ZNF365: variants seen among roughly 807,000 people sequenced by gnomAD.
ZNF365 encodes the protein zinc finger protein 365, also known as protein ZNF365.
A neutral mutation model predicts 35.0 loss-of-function variants in ZNF365; 22 were observed. That is an observed-to-expected ratio of 0.63 (90% CI 0.45 to 0.90). ZNF365 has a LOEUF of 0.90. Among genes scored for constraint, ZNF365 ranks in the 40% least tolerant of loss-of-function variants. ZNF365 has a pLI of 0.00. For missense variants in ZNF365, 448 were observed against 500.3 expected (o/e 0.90, Z 1.00); for synonymous variants, 188 against 196.2 (o/e 0.96, Z 0.35).
chr10:62,415,486 C>G (rs762013124), intron 3 of ZNF365, among the ~76,000 whole-genome samples: 2 of 151,384 alleles, frequency 1.3e-5, no homozygotes, highest in Non-Finnish European at 3.0e-5. Flanking sequence ...TCATTGGGCT[C>G]TCTCTCTCTC....
In ZNF365 at chr10:62,429,884, A is replaced by G. The variant is rs992765625; in HGVS notation, c.925-29857A>G. 3.0e-4 allele frequency among the ~76,000 whole-genome samples: 45 copies of G among 152,196 alleles called. 1 individual carries two copies. Among genetic ancestry groups the G allele is most frequent in the Admixed American group, 1.6e-3 (24 of 15,268 alleles). ...CTTCTTGCACTAGCGTTACTCACCAAAGAAACTTATTCAGGTTCAATCCTA... is the reference window on the plus strand; with the variant it reads ...CTTCTTGCACTAGCGTTACTCACCAGAGAAACTTATTCAGGTTCAATCCTA... On this transcript the variant is annotated intron_variant, in intron 3 of 4. Transcript: ENST00000395255.
chr10:62,383,181 T>G (rs1277624103), intron 2 of ZNF365, among the ~76,000 whole-genome samples: 1 of 152,188 alleles, frequency 6.6e-6, no homozygotes, highest in East Asian at 1.9e-4. Flanking sequence ...ATTAATCCTG[T>G]ATTGTGTGCT....
At chr10:62,395,279 G>A (rs1348557140) in intron 3 of ZNF365, among the ~76,000 whole-genome samples, 4 of 151,912 alleles carry the variant, frequency 2.6e-5, no homozygotes, top group Non-Finnish European at 5.9e-5. Context: ...TATCAAAGAC[G>A]TGGCTTCTTA....
chr10:62,421,757 T>C (rs1344386164), intron 3 of ZNF365, among the ~76,000 whole-genome samples: 2 of 152,260 alleles, frequency 1.3e-5, no homozygotes, highest in South Asian at 4.1e-4. Context: ...TCTTGAAAGC[T>C]GCAGAGCTAT....
At chr10:62,478,844 G>A (rs1314518282) in intron 4 of ZNF365, among the ~76,000 whole-genome samples, 1 of 152,202 alleles carries the variant, frequency 6.6e-6, no homozygotes, top group Non-Finnish European at 1.5e-5. Flanking sequence ...AAAGTGCTGG[G>A]CTTACAAGGG....
intron 4 of ZNF365, among the ~76,000 whole-genome samples, chr10:62,461,288 G>C (rs1051572029): frequency 6.6e-6 from 1 of 152,238 alleles, no homozygotes; most frequent in Non-Finnish European, 1.5e-5. Flanking sequence ...AGCGCTGGAG[G>C]AGCTGGTAAA....
At chr10:62,453,913 A>T (rs1376828391) in intron 3 of ZNF365, among the ~76,000 whole-genome samples, 2 of 152,214 alleles carry the variant, frequency 1.3e-5, no homozygotes, top group Non-Finnish European at 2.9e-5. Flanking sequence ...CTCACACCCC[A>T]TTTAAATGAT....
chr10:62,410,235 C>A (rs1276486530), intron 3 of ZNF365, among the ~76,000 whole-genome samples: 4 of 152,110 alleles, frequency 2.6e-5, no homozygotes, highest in African/African-American at 9.7e-5. Flanking sequence ...TAAATTGGTT[C>A]TGGAGAGAAA....
intron 4 of ZNF365, among the ~76,000 whole-genome samples, chr10:62,462,068 C>T (rs1840856383): frequency 6.6e-6 from 1 of 152,118 alleles, no homozygotes; most frequent in African/African-American, 2.4e-5. Flanking sequence ...GATTCTCAAA[C>T]TCTGGCATGC....
intron 4 of ZNF365, among the ~76,000 whole-genome samples, chr10:62,466,681 C>T (rs1840948695): frequency 6.6e-6 from 1 of 151,614 alleles, no homozygotes; most frequent in Admixed American, 6.6e-5. Context: ...TTGTATTGCA[C>T]TCAGTATATA....
intron 2 of ZNF365, among the ~76,000 whole-genome samples, chr10:62,386,682 A>T (rs1839531727): frequency 6.6e-6 from 1 of 152,224 alleles, no homozygotes; most frequent in East Asian, 1.9e-4. Flanking sequence ...TGGCACACTG[A>T]CTATTAGTAC....
chr10:62,435,835 A>C (rs909102793), intron 3 of ZNF365, among the ~76,000 whole-genome samples: 2 of 152,220 alleles, frequency 1.3e-5, no homozygotes, highest in Admixed American at 1.3e-4. Flanking sequence ...AAAGTGGATA[A>C]ACAGCCTACT....
chr10:62,413,612 C>G (rs541800041), intron 3 of ZNF365, among the ~76,000 whole-genome samples: 1 of 151,836 alleles, frequency 6.6e-6, no homozygotes, highest in Non-Finnish European at 1.5e-5. Context: ...TACCTAACAC[C>G]TCACTTTTAA....
chr10:62,450,328 A>G (rs995295152), intron 3 of ZNF365, among the ~76,000 whole-genome samples: 2 of 152,188 alleles, frequency 1.3e-5, no homozygotes, highest in Admixed American at 1.3e-4. Context: ...ACGTCGCGAA[A>G]TAAGTACTAT....
rs1205626467 is a variant in ZNF365 at position 62,402,194 on chromosome 10, G to A, written c.*2405G>A. Reference sequence around the variant, plus strand: ...AAAGTTTCTGGGAAACTATGTTCAAGGTTGAAATGGAGAGTAGATTTAATT... The same window carrying A: ...AAAGTTTCTGGGAAACTATGTTCAAAGTTGAAATGGAGAGTAGATTTAATT... On this transcript the variant is annotated 3_prime_UTR_variant, in exon 5 of 5. Coordinates refer to ENST00000395254, the MANE Select transcript of ZNF365 (RefSeq NM_014951.3). 2 of 985,950 alleles carry A rather than the reference G, an allele frequency of 2.0e-6. No homozygotes were observed. Among genetic ancestry groups the A allele is most frequent in the East Asian group, 2.2e-4 (2 of 8,956 alleles). The allele number at this position is 985,950 out of a possible 1,614,324, so 61.1% of individuals were successfully genotyped here.
At chr10:62,382,643 G>A (rs1474764405) in intron 2 of ZNF365, among the ~76,000 whole-genome samples, 10 of 152,218 alleles carry the variant, frequency 6.6e-5, no homozygotes, top group Admixed American at 5.9e-4. Context: ...GGGCCAACAA[G>A]AGTAGAGATG....
At chr10:62,466,602 C>A (rs934392324) in intron 4 of ZNF365, among the ~76,000 whole-genome samples, 4 of 152,156 alleles carry the variant, frequency 2.6e-5, no homozygotes, top group Non-Finnish European at 4.4e-5. Flanking sequence ...ACACCCTAAG[C>A]ATTCTGTGAC....
intron 3 of ZNF365, among the ~76,000 whole-genome samples, chr10:62,413,002 T>A (rs1017094777): frequency 6.6e-6 from 1 of 152,118 alleles, no homozygotes; most frequent in African/African-American, 2.4e-5. Flanking sequence ...AGAGAGAAGG[T>A]TGGCTAATAG....
At chr10:62,441,056 T>C (rs897365398) in intron 3 of ZNF365, among the ~76,000 whole-genome samples, 1 of 152,198 alleles carries the variant, frequency 6.6e-6, no homozygotes, top group Non-Finnish European at 1.5e-5. Context: ...TAATTGATGA[T>C]TATTATGAGT....
Sources: gnomAD v4.1 joint callset for allele counts (sites outside exome capture counted in the v4.1 genomes callset) on GRCh38, gnomAD v4.1.1 for gene constraint, MANE v1.5 for transcripts, NCBI Gene and HGNC (gene_info 2026-07-23, HGNC 2026-07-21) for gene names.